The following PLPPR1 variants were observed in gnomAD, a reference collection of about 807,000 sequenced individuals.
PLPPR1 encodes the protein phospholipid phosphatase related 1.
PLPPR1 carries 10 observed loss-of-function variants against 33.1 expected under a neutral mutation model. The ratio of observed to expected loss-of-function variants is 0.30; its 90% CI spans 0.19 to 0.51. The LOEUF (loss-of-function observed/expected upper bound fraction) is 0.51, where lower values mean the gene tolerates loss of function less well. Among genes scored for constraint, PLPPR1 ranks in the 20% least tolerant of loss-of-function variants. The probability of loss-of-function intolerance (pLI) is 0.97; values close to 1 mark genes in which losing one functional copy is unlikely to be tolerated. For missense variants in PLPPR1, 304 were observed against 408.1 expected, an observed-to-expected ratio of 0.74 and a Z score of 2.20; for synonymous variants, 151 against 151.0, an observed-to-expected ratio of 1.00 and a Z score of 0.00.
At chr9:101,288,051 A>T (rs1229494188) in intron 4 of PLPPR1, among the ~76,000 whole-genome samples, 1 of 152,326 alleles carries the variant, frequency 6.6e-6, no homozygotes, top group East Asian at 1.9e-4. Context: ...AAGATAAATT[A>T]TACCTTTTGT....
At chr9:101,090,940 T>C (rs779582189) in intron 1 of PLPPR1, among the ~76,000 whole-genome samples, 1 of 151,978 alleles carries the variant, frequency 6.6e-6, no homozygotes, top group African/African-American at 2.4e-5. Flanking sequence ...GGTCCCTTCC[T>C]ATCCTCCTTC....
chr9:101,271,952 C>T (rs1322914625), intron 3 of PLPPR1, among the ~76,000 whole-genome samples: 1 of 151,952 alleles, frequency 6.6e-6, no homozygotes, highest in African/African-American at 2.4e-5. Flanking sequence ...GAAAGTTAGT[C>T]AGAAAATAGA....
At chr9:101,068,432 A>G (rs1830445981) in intron 1 of PLPPR1, among the ~76,000 whole-genome samples, 1 of 151,976 alleles carries the variant, frequency 6.6e-6, no homozygotes. Context: ...ATCACTGAAG[A>G]GCTTTGGAAA....
intron 3 of PLPPR1, among the ~76,000 whole-genome samples, chr9:101,270,977 T>C (rs79238862): frequency 3.9e-5 from 6 of 152,310 alleles, no homozygotes; most frequent in African/African-American, 1.4e-4. Context: ...ATTGCTTAGA[T>C]ATTCAGTTCG....
At chr9:101,224,310 A>G (rs1010952428) in intron 2 of PLPPR1, among the ~76,000 whole-genome samples, 1 of 152,204 alleles carries the variant, frequency 6.6e-6, no homozygotes. Flanking sequence ...GATCATATCC[A>G]AAAGATATGA....
intron 2 of PLPPR1, among the ~76,000 whole-genome samples, chr9:101,252,645 A>T (rs1335660358): frequency 6.6e-6 from 1 of 152,122 alleles, no homozygotes; most frequent in Non-Finnish European, 1.5e-5. Flanking sequence ...ACCTGAGAGA[A>T]TGTTTTTCCT....
intron 1 of PLPPR1, among the ~76,000 whole-genome samples, chr9:101,096,623 CAG>C (rs1830821862): frequency 6.6e-6 from 1 of 152,054 alleles, no homozygotes; most frequent in Non-Finnish European, 1.5e-5. Flanking sequence ...GTTAACAACA[CAG>C]TGAACATTTG....
chr9:101,311,214 G>A (rs1423007990), intron 5 of PLPPR1, among the ~76,000 whole-genome samples: 1 of 151,988 alleles, frequency 6.6e-6, no homozygotes, highest in South Asian at 2.1e-4. Context: ...AAGTTCTTTG[G>A]GCAAGAAAGA....
chr9:101,094,075 C>T (rs1157585173), intron 1 of PLPPR1, among the ~76,000 whole-genome samples: 1 of 152,148 alleles, frequency 6.6e-6, no homozygotes, highest in African/African-American at 2.4e-5. Context: ...AGTAAGCTCC[C>T]TTCTTCCTGC....
chr9:101,187,917 T>G (rs1826231554), intron 2 of PLPPR1: 1 of 151,806 alleles, frequency 6.6e-6, no homozygotes, highest in Non-Finnish European at 1.5e-5. Flanking sequence ...TGTATGAAGT[T>G]TGGGGCTTCT....
intron 1 of PLPPR1, among the ~76,000 whole-genome samples, chr9:101,132,076 T>G (rs1005862230): frequency 1.3e-5 from 2 of 152,244 alleles, no homozygotes; most frequent in African/African-American, 4.8e-5. Context: ...TACATTTGTC[T>G]TAGACTATTT....
At chr9:101,113,170 T>C (rs1588033688) in intron 1 of PLPPR1, among the ~76,000 whole-genome samples, 1 of 152,028 alleles carries the variant, frequency 6.6e-6, no homozygotes, top group Non-Finnish European at 1.5e-5. Flanking sequence ...ATAAGAATAA[T>C]TTTATTCTCT....
chr9:101,087,011 T>C (rs1019371950), intron 1 of PLPPR1, among the ~76,000 whole-genome samples: 1 of 152,010 alleles, frequency 6.6e-6, no homozygotes, highest in Non-Finnish European at 1.5e-5. Context: ...AAACACCATC[T>C]CTACTAAAAA....
intron 1 of PLPPR1, among the ~76,000 whole-genome samples, chr9:101,030,326 G>T (rs1198890971): frequency 6.6e-6 from 1 of 151,008 alleles, no homozygotes; most frequent in East Asian, 2.0e-4. Context: ...GGCAGGAAGA[G>T]GTTGACTGGA....
chr9:101,068,613 C>T (rs2118482687), intron 1 of PLPPR1, among the ~76,000 whole-genome samples: 1 of 151,730 alleles, frequency 6.6e-6, no homozygotes, highest in Non-Finnish European at 1.5e-5. Flanking sequence ...TTCAAGGTGC[C>T]CATAGGCTTA....
At chr9:101,299,555 C>T (rs1005255171) in intron 4 of PLPPR1, among the ~76,000 whole-genome samples, 3 of 152,144 alleles carry the variant, frequency 2.0e-5, no homozygotes, top group Non-Finnish European at 2.9e-5. Context: ...GACTCCTACC[C>T]TAGAACTCCC....
At chr9:101,065,638 AG>A (rs1367596709) in intron 1 of PLPPR1, among the ~76,000 whole-genome samples, 2 of 152,112 alleles carry the variant, frequency 1.3e-5, no homozygotes, top group East Asian at 1.9e-4. Flanking sequence ...ATGGTTTAAA[AG>A]GTGGATAATT....
intron 1 of PLPPR1, among the ~76,000 whole-genome samples, chr9:101,169,576 G>T (rs1825909354): frequency 6.6e-6 from 1 of 151,982 alleles, no homozygotes; most frequent in East Asian, 1.9e-4. Context: ...GAGTTTTGTG[G>T]TTGGCATCAT....
At chr9:101,252,950 G>C (rs1827737998) in intron 2 of PLPPR1, among the ~76,000 whole-genome samples, 2 of 151,680 alleles carry the variant, frequency 1.3e-5, no homozygotes, top group Non-Finnish European at 2.9e-5. Flanking sequence ...CATTACCTAA[G>C]TCCCTAATTT....
Sources: gnomAD v4.1 joint callset for allele counts (sites outside exome capture counted in the v4.1 genomes callset) on GRCh38, gnomAD v4.1.1 for gene constraint, MANE v1.5 for transcripts, NCBI Gene and HGNC (gene_info 2026-07-23, HGNC 2026-07-21) for gene names.